DNAH12: variants seen among roughly 807,000 people sequenced by gnomAD.
DNAH12 encodes dynein axonemal heavy chain 12, also known as axonemal beta dynein heavy chain 12.
A neutral mutation model predicts 371.5 loss-of-function variants in DNAH12; 285 were observed. The observed-to-expected ratio is 0.77, with a 90% CI of 0.70 to 0.85. The LOEUF is 0.85. Among genes scored for constraint, DNAH12 ranks in the 40% least tolerant of loss-of-function variants. The probability of loss-of-function intolerance (pLI) is 0.00; values close to 1 mark genes in which losing one functional copy is unlikely to be tolerated. For missense variants in DNAH12, 3,611 were observed against 3,689.4 expected, an observed-to-expected ratio of 0.98 and a Z score of 0.55; for synonymous variants, 1,200 against 1,213.0, an observed-to-expected ratio of 0.99 and a Z score of 0.22.
chr3:57,544,817 G>A (rs2069448543), upstream of DNAH12, among the ~76,000 whole-genome samples: 1 of 152,166 alleles, frequency 6.6e-6, no homozygotes, highest in East Asian at 1.9e-4. Flanking sequence ...CTGGGAGAAA[G>A]ATGTGAAATT....
intron 60 of DNAH12, among the ~76,000 whole-genome samples, chr3:57,344,766 G>A (rs555240571): frequency 2.6e-5 from 4 of 152,122 alleles, no homozygotes; most frequent in African/African-American, 9.7e-5. Context: ...GTAAAAAGTA[G>A]AACAGAGTAT....
rs1357493918 is a variant in DNAH12 at position 57,386,101 on chromosome 3, A to G, written c.7602+340T>C. The stretch of plus-strand genomic sequence containing the variant: ...GCACTTGACTCATTAAAAAAACCAC[A>G]AATCTTATATTTAACCAGCTTTTAC... On this transcript the variant is annotated intron_variant, in intron 47 of 73. Coordinates refer to ENST00000495027, the MANE Select transcript of DNAH12 (RefSeq NM_001366028.2). 1.8e-4 allele frequency among the ~76,000 whole-genome samples: 27 copies of G among 152,304 alleles called. 2 individuals are homozygous for G. The highest frequency in any genetic ancestry group is 1.6e-3 in the Admixed American group (24 of 15,298).
chr3:57,426,295 G>GA (rs1178339468), intron 34 of DNAH12, among the ~76,000 whole-genome samples: 1 of 152,134 alleles, frequency 6.6e-6, no homozygotes, highest in African/African-American at 2.4e-5. Flanking sequence ...ATTACAAGAG[G>GA]AAGAGAGTTC....
Position 57,492,409 on chromosome 3 carries a change from G to A in DNAH12, c.1336-2722C>T, listed in dbSNP as rs533353240. Among the ~76,000 whole-genome samples, 20 of 151,208 alleles carry A rather than the reference G, an allele frequency of 1.3e-4. 1 individual carries two copies. The South Asian group carries it at 1.9e-3, about 14-fold the overall frequency. Reference sequence around the variant, plus strand: ...CAGGAAGCGGAGGTTGTGGTGAGCCGAGATTGCACCATTGCACTCCAGCCT... The same window carrying A: ...CAGGAAGCGGAGGTTGTGGTGAGCCAAGATTGCACCATTGCACTCCAGCCT... On this transcript the variant is annotated intron_variant, in intron 11 of 73. Coordinates refer to ENST00000495027, the MANE Select transcript of DNAH12 (RefSeq NM_001366028.2).
At position 57,352,225 on chromosome 3, in the gene DNAH12, A is replaced by AT; in HGVS notation, c.9534-1_9534insA (p.Ser3178ArgfsTer2). 3.9e-6 allele frequency: 6 copies of AT among 1,530,090 alleles called. No homozygotes were observed. The highest frequency in any genetic ancestry group is 5.3e-6 in the Non-Finnish European group (6 of 1,142,264). The allele number at this position is 1,530,090 out of a possible 1,614,324, so 94.8% of individuals were successfully genotyped here. On this transcript the variant is annotated frameshift_variant and splice_region_variant. Transcript: ENST00000495027. LOFTEE classifies it high-confidence loss of function. ...GCTTTTCCAAAATCTTGGATTTGTT[A>AT]CTAAAGTTAAAAAGAAGGAAAACGT...
At chr3:57,425,229 C>T in intron 34 of DNAH12, 88 bp from the exon 35 acceptor site, 1 of 644,896 alleles carries the variant, frequency 1.6e-6, no homozygotes, top group East Asian at 2.7e-5. Flanking sequence ...CTGATAAAAG[C>T]ATACATGGTT....
chr3:57,489,709 GA>G (rs534567600), intron 11 of DNAH12, 22 bp from the exon 12 acceptor site: 18,284 of 1,378,946 alleles, frequency 0.013, 173 homozygotes, highest in South Asian at 0.049. Flanking sequence ...GTGTTCAAAT[GA>G]AAAAAAAAAT....
intron 60 of DNAH12, among the ~76,000 whole-genome samples, chr3:57,348,341 T>C (rs1160531018): frequency 6.6e-6 from 1 of 152,038 alleles, no homozygotes; most frequent in Non-Finnish European, 1.5e-5. Context: ...GAATCAGTGA[T>C]TGGCAGGGTT....
intron 4 of DNAH12, 62 bp downstream of exon 4, chr3:57,523,521 A>C: frequency 6.3e-6 from 9 of 1,420,496 alleles, no homozygotes; most frequent in Non-Finnish European, 8.7e-6. Flanking sequence ...TCTTAGATGA[A>C]ACTACTTTGC....
Position 57,483,455 on chromosome 3 carries a change from G to A in DNAH12, c.1571C>T (p.Thr524Ile). Residue 524 changes from threonine (T) to isoleucine (I), a missense_variant, in exon 13 of 74, where the codon ACA (threonine) becomes ATA (isoleucine). This residue lies in a region of DNAH12 where 1,314 missense variants were observed against 1,398.7 expected (regional missense o/e 0.94). Coordinates refer to ENST00000495027, the MANE Select transcript of DNAH12 (RefSeq NM_001366028.2). ...KEHALKVPET[T>I]EEMMDLISYV... ...AGATATCAGATCCATCATCTCTTCT[G>A]TTGTTTCAGGGACTTTTAATGCATG... 6.4e-7 allele frequency: 1 copy of A among 1,551,308 alleles called. No homozygotes were observed. Among genetic ancestry groups the A allele is most frequent in the Non-Finnish European group, 8.7e-7 (1 of 1,146,818 alleles).
intron 8 of DNAH12, among the ~76,000 whole-genome samples, chr3:57,506,848 T>A (rs540660331): frequency 1.6e-4 from 25 of 152,214 alleles, no homozygotes; most frequent in African/African-American, 6.0e-4. Context: ...AAAGTACGAA[T>A]AATGGTTTCT....
intron 49 of DNAH12, among the ~76,000 whole-genome samples, chr3:57,384,336 T>C (rs2063457135): frequency 6.6e-6 from 1 of 151,862 alleles, no homozygotes; most frequent in African/African-American, 2.4e-5. Context: ...TTATAAATAA[T>C]ATATAAAAAG....
chr3:57,446,460 G>A, intron 26 of DNAH12, 77 bp downstream of exon 26: 3 of 1,453,364 alleles, frequency 2.1e-6, no homozygotes, highest in Non-Finnish European at 2.7e-6. Flanking sequence ...TTAAACATGA[G>A]TTTGCTTCCA....
intron 2 of DNAH12, chr3:57,530,770 C>G: frequency 4.5e-6 from 1 of 224,080 alleles, no homozygotes; most frequent in Non-Finnish European, 9.1e-6. Context: ...CACTTGGAGC[C>G]CCAGGAGAAA....
intron 39 of DNAH12, 99 bp downstream of exon 39, chr3:57,413,647 T>C: frequency 1.5e-6 from 2 of 1,298,010 alleles, no homozygotes; most frequent in Non-Finnish European, 2.1e-6. Flanking sequence ...CAACTATTCT[T>C]TTCCCTAAAT....
At chr3:57,367,798 T>TTA (rs1374438282) in intron 56 of DNAH12, among the ~76,000 whole-genome samples, 2 of 152,160 alleles carry the variant, frequency 1.3e-5, no homozygotes, top group African/African-American at 4.8e-5. Flanking sequence ...TTCAACTTCT[T>TTA]TATGTTCTCT....
chr3:57,403,601 G>T, intron 42 of DNAH12, 100 bp from the exon 43 acceptor site: 1 of 1,137,610 alleles, frequency 8.8e-7, no homozygotes, highest in Non-Finnish European at 1.2e-6. Context: ...ATGTGACTCT[G>T]CTGTCCCATA....
chr3:57,390,424 A>AAAAAAAAAAAAATATATATATATATAT, intron 45 of DNAH12, among the ~76,000 whole-genome samples: 2 of 33,422 alleles, frequency 6.0e-5, no homozygotes, highest in African/African-American at 1.3e-4. Context: ...AAAAAAAAAA[A>AAAAAAAAAAAAATATATATATATATAT]ATATATATAT....
At chr3:57,494,018 C>T (rs2067222419) in intron 11 of DNAH12, among the ~76,000 whole-genome samples, 1 of 151,986 alleles carries the variant, frequency 6.6e-6, no homozygotes, top group Non-Finnish European at 1.5e-5. Flanking sequence ...GGATCACTTG[C>T]ATCCAGGAGT....
Sources: allele counts gnomAD v4.1 joint callset (sites outside exome capture counted in the v4.1 genomes callset), GRCh38; gene constraint gnomAD v4.1.1; regional missense constraint gnomAD v4.1.1; transcripts MANE v1.5; gene names NCBI Gene and HGNC (gene_info 2026-07-23, HGNC 2026-07-21).